The following FAM120C variants were observed in gnomAD, a reference collection of about 807,000 sequenced individuals.
FAM120C encodes family with sequence similarity 120 member C.
In FAM120C, 14 loss-of-function variants were observed where a neutral mutation model predicts 71.2. The observed-to-expected ratio is 0.20, with a 90% CI of 0.13 to 0.31. FAM120C has a LOEUF of 0.31. Among genes scored for constraint, FAM120C ranks in the 10% least tolerant of loss-of-function variants. FAM120C has a pLI of 1.00. For missense variants in FAM120C, 500 were observed against 879.0 expected (o/e 0.57, Z 5.45); for synonymous variants, 354 against 353.2 (o/e 1.00, Z -0.03).
At chrX:54,180,150 C>CA (rs1280624710) in intron 1 of FAM120C, among the ~76,000 whole-genome samples, 2 of 111,293 alleles carry the variant, frequency 1.8e-5, no homozygotes, top group South Asian at 3.8e-4. Flanking sequence ...GGTATATAAA[C>CA]AAAAAAAACT....
intron 6 of FAM120C, 39 bp from the exon 7 acceptor site, chrX:54,135,150 T>G: frequency 2.6e-6 from 3 of 1,148,263 alleles, no homozygotes; most frequent in Non-Finnish European, 3.5e-6. Context: ...TTTAACATTT[T>G]ATAAGGCTCC....
At chrX:54,125,819 A>T (rs1557127900) in intron 9 of FAM120C, among the ~76,000 whole-genome samples, 1 of 112,657 alleles carries the variant, frequency 8.9e-6, no homozygotes, top group African/African-American at 3.2e-5. Flanking sequence ...TTTGGGGAGA[A>T]CTGACATCTT....
At chrX:54,088,252 C>A (rs1321301852) in intron 11 of FAM120C, among the ~76,000 whole-genome samples, 1 of 111,314 alleles carries the variant, frequency 9.0e-6, no homozygotes, top group African/African-American at 3.3e-5. Context: ...GCTGCTGCTG[C>A]TGATGCAGTG....
rs187496764 is a variant in FAM120C at position 54,149,525 on chromosome X, G to C, written c.1158+1720C>G. ...GTGGTGGCGGGCGCCTGTAATTCCA[G>C]CTACTCTGGAGGCTGAGGTAGGAGA... is the stretch of plus-strand genomic sequence containing the variant. On this transcript the variant is annotated intron_variant, in intron 4 of 15. Transcript: ENST00000375180. 3.8e-3 allele frequency among the ~76,000 whole-genome samples: 420 copies of C among 110,569 alleles called. 4 individuals are homozygous for C. The highest frequency in any genetic ancestry group is 0.013 in the African/African-American group (406 of 30,461).
chrX:54,149,972 G>C (rs2067176612), intron 4 of FAM120C, among the ~76,000 whole-genome samples: 2 of 112,133 alleles, frequency 1.8e-5, no homozygotes, highest in African/African-American at 6.5e-5. Flanking sequence ...TCATTTTGTA[G>C]AATAAAATCC....
At chrX:54,080,863 G>GAAA (rs35030129) in intron 14 of FAM120C, among the ~76,000 whole-genome samples, 6 of 77,616 alleles carry the variant, frequency 7.7e-5, no homozygotes, top group Non-Finnish European at 7.1e-5. Flanking sequence ...TCCATCTCAA[G>GAAA]AAAAAAAAAA....
chrX:54,131,453 T>C (rs1171206649), intron 9 of FAM120C, among the ~76,000 whole-genome samples: 4 of 107,578 alleles, frequency 3.7e-5, no homozygotes, highest in African/African-American at 1.4e-4. Context: ...TTTTTTTTTT[T>C]CTGAGACGGA....
intron 4 of FAM120C, among the ~76,000 whole-genome samples, chrX:54,139,328 C>CA (rs2067111031): frequency 2.7e-4 from 7 of 25,459 alleles, no homozygotes; most frequent in South Asian, 3.2e-3. Flanking sequence ...TTTTTTTTTG[C>CA]TTTTATTTAT....
intron 10 of FAM120C, among the ~76,000 whole-genome samples, chrX:54,113,882 C>T (rs782456904): frequency 9.0e-6 from 1 of 111,157 alleles, no homozygotes; most frequent in Non-Finnish European, 1.9e-5. Context: ...TGCCATTGCA[C>T]TCCAGCCTGG....
intron 15 of FAM120C, 24 bp from the exon 16 acceptor site, chrX:54,073,311 T>C (rs368426634): frequency 3.4e-6 from 4 of 1,176,459 alleles, no homozygotes; most frequent in Non-Finnish European, 3.4e-6. Flanking sequence ...AGATACTCAG[T>C]GGAAATGGGA....
chrX:54,082,188 A>C (rs2066769397), intron 13 of FAM120C, among the ~76,000 whole-genome samples: 1 of 94,290 alleles, frequency 1.1e-5, no homozygotes, highest in Non-Finnish European at 2.1e-5. Flanking sequence ...ACTCTGTCTC[A>C]AAAAAAAAAA....
intron 9 of FAM120C, among the ~76,000 whole-genome samples, chrX:54,131,255 C>T (rs1158189068): frequency 9.0e-6 from 1 of 110,884 alleles, no homozygotes; most frequent in East Asian, 2.8e-4. Flanking sequence ...TCTATGTTCC[C>T]AAAGCCCAGT....
At chrX:54,080,365 G>C (rs1169847139) in intron 14 of FAM120C, 76 bp from the exon 15 acceptor site, 11 of 841,091 alleles carry the variant, frequency 1.3e-5, no homozygotes, top group Non-Finnish European at 1.7e-5. Flanking sequence ...TTAACTATTC[G>C]TCTCCTCTTA....
At chrX:54,155,346 T>C (rs2067204422) in intron 3 of FAM120C, among the ~76,000 whole-genome samples, 2 of 110,312 alleles carry the variant, frequency 1.8e-5, no homozygotes, top group Admixed American at 1.9e-4. Flanking sequence ...GTCAGCGAGG[T>C]AGGAAGGAAA....
chrX:54,168,586 G>A (rs1305197784), intron 1 of FAM120C, among the ~76,000 whole-genome samples: 1 of 112,325 alleles, frequency 8.9e-6, no homozygotes, highest in Non-Finnish European at 1.9e-5. Flanking sequence ...GAAGGCTGAG[G>A]ATTTTAAAAA....
intron 3 of FAM120C, among the ~76,000 whole-genome samples, chrX:54,152,105 C>G (rs1253428168): frequency 9.2e-6 from 1 of 108,248 alleles, no homozygotes; most frequent in Non-Finnish European, 1.9e-5. Flanking sequence ...GCAACCTCTG[C>G]TTCCCGGGTT....
intron 3 of FAM120C, among the ~76,000 whole-genome samples, chrX:54,154,524 T>C (rs1381083416): frequency 1.9e-5 from 2 of 105,271 alleles, no homozygotes; most frequent in Admixed American, 2.1e-4. Flanking sequence ...GAAGAATCAC[T>C]TGAATCCAGG....
chrX:54,118,691 CT>C (rs1225428604), intron 9 of FAM120C, among the ~76,000 whole-genome samples: 129 of 34,627 alleles, frequency 3.7e-3, no homozygotes, highest in African/African-American at 0.013. Flanking sequence ...TTGTATTTTT[CT>C]TTTTTTCTTT....
chrX:54,112,606 C>G (rs782611654), intron 10 of FAM120C, among the ~76,000 whole-genome samples: 1 of 110,956 alleles, frequency 9.0e-6, no homozygotes, highest in South Asian at 3.8e-4. Flanking sequence ...CTTTGGGAGG[C>G]TGAGGCGGGC....
Sources: allele counts gnomAD v4.1 joint callset (sites outside exome capture counted in the v4.1 genomes callset), GRCh38; gene constraint gnomAD v4.1.1; transcripts MANE v1.5; gene names NCBI Gene and HGNC (gene_info 2026-07-23, HGNC 2026-07-21).